The following INPP5E variants were observed in gnomAD, a reference collection of about 807,000 sequenced individuals.
INPP5E encodes the protein inositol polyphosphate-5-phosphatase E, also known as phosphatidylinositol polyphosphate 5-phosphatase type IV.
Under a neutral mutation model 50.5 loss-of-function variants are expected in INPP5E, and 34 were observed. That is an observed-to-expected ratio of 0.67 (90% confidence interval 0.51 to 0.90). The LOEUF is 0.90. Among genes scored for constraint, INPP5E ranks in the 40% least tolerant of loss-of-function variants. The pLI is 0.00. For synonymous variants in INPP5E, 447 were observed against 406.0 expected, an observed-to-expected ratio of 1.10 and a Z score of -1.21; for missense variants, 942 against 905.5, an observed-to-expected ratio of 1.04 and a Z score of -0.52.
In INPP5E at chr9:136,434,062, C is replaced by G. The variant is rs368235861; in HGVS notation, c.1009G>C (p.Gly337Arg). Residue 337 changes from glycine (G) to arginine (R), a missense_variant, in exon 3 of 10, where the codon GGG becomes CGG. Gly to Arg is a moderately radical substitution (Grantham distance 125). Transcript: ENST00000371712. ...CTGTCAGAACAGCCCTCCTGGACCC[C>G]GATGACATACAGGTCCTGGGCATAG... The part of the protein sequence containing the change: ...ADYAQDLYVI[G>R]VQEGCSDRRE... 6.2e-7 allele frequency: 1 copy of G among 1,610,240 alleles called. No individual in the cohort carries two copies. The highest frequency in any genetic ancestry group is 8.5e-7 in the Non-Finnish European group (1 of 1,179,250).
rs1240062853 is a variant in INPP5E, at chr9:136,432,463, G to A, written c.1387+16C>T. Reference sequence around the variant, plus strand: ...ACCACGGCGGCACCACCCACACGCAGCGTGGACGCCCTCACCTGCGCTGGA... The same window carrying A: ...ACCACGGCGGCACCACCCACACGCAACGTGGACGCCCTCACCTGCGCTGGA... On this transcript the variant is annotated intron_variant, in intron 6 of 9. Transcript: ENST00000371712. 2 of 1,515,930 alleles carry A rather than the reference G, an allele frequency of 1.3e-6. No homozygotes were observed. The highest frequency in any genetic ancestry group is 3.9e-5 in the Admixed American group (2 of 50,952). 93.9% of individuals were successfully genotyped at this position (1,515,930 alleles called of 1,614,324 possible).
chr9:136,435,161 G>A (rs774394670), intron 1 of INPP5E, among the ~76,000 whole-genome samples: 5 of 152,150 alleles, frequency 3.3e-5, no homozygotes, highest in Non-Finnish European at 7.4e-5. Flanking sequence ...GCCACAGAGA[G>A]GAGCTCCCAA....
chr9:136,439,116 C>T lies in INPP5E; in HGVS notation c.304G>A (p.Asp102Asn), dbSNP rs187724945. Residue 102 changes from aspartate to asparagine, a missense_variant, in exon 1 of 10, where the codon GAC (aspartate) becomes AAC (asparagine). Asp to Asn is a conservative substitution (Grantham distance 23, BLOSUM62 1). Transcript: ENST00000371712. ...RRRRFRGSQE[D>N]LEARNGTSPS... ...CTGGTCCCATTCCGGGCTTCCAGGTCCTCCTGGCTGCCTCGAAAACGCCTC... is the reference window on the plus strand; with the variant it reads ...CTGGTCCCATTCCGGGCTTCCAGGTTCTCCTGGCTGCCTCGAAAACGCCTC... The T allele has an allele frequency of 9.5e-6, 15 of 1,584,168 alleles. No homozygotes were observed. In the East Asian group the frequency reaches 3.2e-4, roughly 34 times the overall value.
rs772462088 is a variant in INPP5E at position 136,439,155 on chromosome 9, TGTC to T, written c.262_264del (p.Asp88del). On this transcript the variant is annotated inframe_deletion, in exon 1 of 10. Transcript: ENST00000371712. The stretch of plus-strand genomic sequence containing the variant: ...CGAAAACGCCTCCTCCTCCAGCCCT[TGTC>T]GTCCAGGGACAGGGCTCGCTCCAGT... 6.4e-7 allele frequency: 1 copy of T among 1,573,970 alleles called. No individual in the cohort carries two copies. Among genetic ancestry groups the T allele is most frequent in the Non-Finnish European group, 8.6e-7 (1 of 1,164,928 alleles).
chr9:136,432,924 A>C lies in INPP5E; in HGVS notation c.1279+32T>G, dbSNP rs551770889. The C allele has an allele frequency of 3.1e-6, 5 of 1,608,626 alleles. No individual in the cohort carries two copies. The South Asian group carries it at 5.5e-5, about 18-fold the overall frequency. On this transcript the variant is annotated intron_variant, in intron 5 of 9. Coordinates refer to ENST00000371712, the MANE Select transcript of INPP5E (RefSeq NM_019892.6). ...TCAGGAGAGGAAGCTGTTCTCACAC[A>C]GCACCTGCGGTGCGGGCACCAAGCA...
intron 2 of INPP5E, among the ~76,000 whole-genome samples, chr9:136,434,440 G>C: frequency 6.6e-6 from 1 of 151,580 alleles, no homozygotes; most frequent in East Asian, 1.9e-4. Flanking sequence ...ACCCCTACGC[G>C]TGCCCCGCTG....
chr9:136,432,938 G>A lies in INPP5E; in HGVS notation c.1279+18C>T, dbSNP rs372546041. 2.7e-5 allele frequency: 44 copies of A among 1,611,302 alleles called. 1 individual carries two copies. The South Asian group carries it at 2.8e-4, about 10-fold the overall frequency. On this transcript the variant is annotated intron_variant, in intron 5 of 9. Coordinates refer to ENST00000371712, the MANE Select transcript of INPP5E (RefSeq NM_019892.6). The stretch of plus-strand genomic sequence containing the variant: ...TGTTCTCACACAGCACCTGCGGTGC[G>A]GGCACCAAGCAACTTACAGGTGAAG...
Position 136,429,093 on chromosome 9 carries a change from G to A in INPP5E, c.*582C>T, listed in dbSNP as rs931605716. The A allele has an allele frequency of 6.2e-5, 11 of 177,326 alleles. No individual in the cohort carries two copies. Among genetic ancestry groups the A allele is most frequent in the Non-Finnish European group, 1.1e-4 (9 of 81,944 alleles). 11.0% of individuals were successfully genotyped at this position (177,326 alleles called of 1,614,324 possible). On this transcript the variant is annotated 3_prime_UTR_variant, in exon 10 of 10. Transcript: ENST00000371712. ...CATGGCAGGCGACTTGCAGCCAAGTGGAGGGGAACCGTGCCACGTCCTGGA... is the reference window on the plus strand; with the variant it reads ...CATGGCAGGCGACTTGCAGCCAAGTAGAGGGGAACCGTGCCACGTCCTGGA...
At position 136,429,302 on chromosome 9, in the gene INPP5E, A is replaced by C. The variant is rs1196491013; in HGVS notation, c.*373T>G. 5.4e-6 allele frequency: 2 copies of C among 371,472 alleles called. No homozygotes were observed. The highest frequency in any genetic ancestry group is 1.0e-5 in the Non-Finnish European group (2 of 192,678). The allele number at this position is 371,472 out of a possible 1,614,324, so 23.0% of individuals were successfully genotyped here. On this transcript the variant is annotated 3_prime_UTR_variant, in exon 10 of 10. Transcript: ENST00000371712. Reference sequence around the variant, plus strand: ...CGGGTGTGGAGGGAGAGGCTGGTGCAGAGCACGGGGGTGTTGGGGGGCTCT... The same window carrying C: ...CGGGTGTGGAGGGAGAGGCTGGTGCCGAGCACGGGGGTGTTGGGGGGCTCT...
intron 1 of INPP5E, 86 bp downstream of exon 1, chr9:136,438,516 CGCTGCT>C (rs1396991954): frequency 1.2e-5 from 14 of 1,158,936 alleles, no homozygotes; most frequent in Non-Finnish European, 1.6e-5. Context: ...GCATCTTAAA[CGCTGCT>C]GATGGGAACG....
At chr9:136,435,941 C>T (rs1375044824) in intron 1 of INPP5E, 4 of 152,252 alleles carry the variant, frequency 2.6e-5, no homozygotes, top group African/African-American at 9.6e-5. Context: ...GCCGACTATA[C>T]AGAAACGCCG....
intron 6 of INPP5E, 54 bp from the exon 7 acceptor site, chr9:136,432,039 C>G (rs1835719908): frequency 1.2e-6 from 2 of 1,607,852 alleles, no homozygotes; most frequent in Non-Finnish European, 8.5e-7. Flanking sequence ...CAGGTCCTTC[C>G]CCTTCCCCAG....
At position 136,433,258 on chromosome 9, in the gene INPP5E, C is replaced by T; in HGVS notation, c.1056G>A (p.Leu352=). 6.3e-7 allele frequency: 1 copy of T among 1,587,096 alleles called. No homozygotes were observed. Among genetic ancestry groups the T allele is most frequent in the Non-Finnish European group, 8.5e-7 (1 of 1,174,132 alleles). ...CATAGTGCGGGCCCAGCGTCTCCTG[C>T]AGACGAGTCTCCCACTCCCGCCTGC... is the stretch of plus-strand genomic sequence containing the variant. The part of the protein sequence containing the change: ...CSDRREWETR[L]QETLGPHYVL... The change falls in exon 4 of 10, where the codon CTG becomes CTA. Residue 352 remains leucine (L), a synonymous_variant. Transcript: ENST00000371712.
In INPP5E at chr9:136,429,684, G is replaced by C. The variant is rs201735585; in HGVS notation, c.1926C>G (p.Ser642=). ...CCTCGTTCAGCAAACTTCAAGAAAC[G>C]GAGCAGATGGTGCTGGAGTTCTGAC... is the stretch of plus-strand genomic sequence containing the variant. ...LQSQNSSTIC[S]VS Residue 642 remains serine (S), a synonymous_variant, in exon 10 of 10, where the codon TCC becomes TCG. Coordinates refer to ENST00000371712, the MANE Select transcript of INPP5E (RefSeq NM_019892.6). 1.2e-6 allele frequency: 2 copies of C among 1,614,060 alleles called. No homozygotes were observed.
chr9:136,433,065 G>A lies in INPP5E; in HGVS notation c.1170C>T (p.Cys390=), dbSNP rs1388706673. The A allele has an allele frequency of 6.2e-7, 1 of 1,611,712 alleles. No individual in the cohort carries two copies. Among genetic ancestry groups the A allele is most frequent in the Non-Finnish European group, 8.5e-7 (1 of 1,179,756 alleles). Residue 390 remains cysteine (C), a synonymous_variant, in exon 5 of 10, where the codon TGC becomes TGT. Coordinates refer to ENST00000371712, the MANE Select transcript of INPP5E (RefSeq NM_019892.6). ...ACACGATGCGTGTGGTCACCGTGGA[G>A]CACTCCACCTCTGTGGGAGGGGCAG... is the stretch of plus-strand genomic sequence containing the variant. The part of the protein sequence containing the change: ...DLIWFCSEVE[C]STVTTRIVSQ...
rs868202242 is a variant in INPP5E at position 136,439,594 on chromosome 9, G to A, written c.-175C>T. The A allele has an allele frequency of 6.4e-5, 26 of 407,352 alleles. No homozygotes were observed. Among genetic ancestry groups the A allele is most frequent in the Non-Finnish European group, 6.7e-5 (16 of 240,538 alleles). 25.2% of individuals were successfully genotyped at this position (407,352 alleles called of 1,614,324 possible). A position where few individuals can be genotyped will look rare whatever the true frequency, so the allele number is the denominator to read the frequency against. On this transcript the variant is annotated 5_prime_UTR_variant, in exon 1 of 10. Transcript: ENST00000371712. ...GCGGCTGCCGCATGGCCCGGGCCCCGAGTCCCGCCAGCCCCTCGGGGCTCC... is the reference window on the plus strand; with the variant it reads ...GCGGCTGCCGCATGGCCCGGGCCCCAAGTCCCGCCAGCCCCTCGGGGCTCC...
intron 7 of INPP5E, 90 bp from the exon 8 acceptor site, chr9:136,431,207 G>GCCCCCC: frequency 5.9e-6 from 4 of 683,490 alleles, no homozygotes; most frequent in Non-Finnish European, 4.9e-6. Context: ...CTCCCACCAC[G>GCCCCCC]CCCACCCTCC....
rs1223152657 is a variant in INPP5E, at chr9:136,439,676, C to T, written c.-257G>A. ...AGGCCTGGGGGAACAGGCGGCTGGG[C>T]GCCTGTCGCGGGGGAGGTTCGACCC... On this transcript the variant is annotated 5_prime_UTR_variant, in exon 1 of 10. Coordinates refer to ENST00000371712, the MANE Select transcript of INPP5E (RefSeq NM_019892.6). 6.1e-6 allele frequency: 2 copies of T among 330,452 alleles called. No individual in the cohort carries two copies. The highest frequency in any genetic ancestry group is 1.1e-5 in the Non-Finnish European group (2 of 182,794). 20.5% of individuals were successfully genotyped at this position (330,452 alleles called of 1,614,324 possible).
In INPP5E at chr9:136,438,877, G is replaced by A; in HGVS notation, c.543C>T (p.Ser181=). ...LPHRDAAVAG[S]SPRLPSLLPP... is the part of the protein sequence containing the mutation. ...GCAGCAGGCTGGGCAGCCTGGGCGA[G>A]CTCCCCGCCACGGCGGCGTCTCTGT... is the stretch of plus-strand genomic sequence containing the variant. The change falls in exon 1 of 10, where the codon AGC becomes AGT. Residue 181 remains serine, a synonymous_variant. Transcript: ENST00000371712. 1 of 1,585,658 alleles carries A rather than the reference G, an allele frequency of 6.3e-7. No individual in the cohort carries two copies.
Sources: allele counts gnomAD v4.1 joint callset (sites outside exome capture counted in the v4.1 genomes callset), GRCh38; gene constraint gnomAD v4.1.1; transcripts MANE v1.5; gene names NCBI Gene and HGNC (gene_info 2026-07-23, HGNC 2026-07-21).